The following BAIAP3 variants were observed in gnomAD, a reference collection of about 807,000 sequenced individuals.
The protein encoded by BAIAP3 is BAI1-associated protein 3.
A neutral mutation model predicts 149.7 loss-of-function variants in BAIAP3; 180 were observed. The ratio of observed to expected loss-of-function variants is 1.20; its 90% CI spans 1.07 to 1.36. The LOEUF (loss-of-function observed/expected upper bound fraction) is 1.36, where lower values mean the gene tolerates loss of function less well. BAIAP3 is among the 40% of genes most tolerant of loss of function. The pLI is 0.00. For synonymous variants in BAIAP3, 845 were observed against 670.7 expected, an observed-to-expected ratio of 1.26 and a Z score of -4.02; for missense variants, 1,767 against 1,563.4, an observed-to-expected ratio of 1.13 and a Z score of -2.20.
At chr16:1,348,058 C>T (rs2034507937) in intron 32 of BAIAP3, 38 bp from the exon 33 acceptor site, 2 of 1,510,620 alleles carry the variant, frequency 1.3e-6, no homozygotes, top group Non-Finnish European at 1.7e-6. Flanking sequence ...AGGCTCCAGG[C>T]TGCCGGAGCG....
chr16:1,333,876 C>T (rs2033288007), intron 1 of BAIAP3, 127 bp downstream of exon 1: 1 of 152,116 alleles, frequency 6.6e-6, no homozygotes, highest in African/African-American at 2.4e-5. Flanking sequence ...CGGGGGTGGC[C>T]TCCGAGGCGG....
At chr16:1,335,339 G>A (rs1304668958) in intron 1 of BAIAP3, among the ~76,000 whole-genome samples, 1 of 152,246 alleles carries the variant, frequency 6.6e-6, no homozygotes, top group Non-Finnish European at 1.5e-5. Context: ...ACAGATGGGA[G>A]TGTGGTTCTG....
intron 1 of BAIAP3, among the ~76,000 whole-genome samples, chr16:1,334,010 G>T (rs1480458488): frequency 6.6e-6 from 1 of 151,708 alleles, no homozygotes; most frequent in Non-Finnish European, 1.5e-5. Flanking sequence ...CGGCGGTGGG[G>T]TCCGCACTGC....
At position 1,344,607 on chromosome 16, in the gene BAIAP3, C is replaced by G; in HGVS notation, c.1666C>G (p.Pro556Ala). The change falls in exon 19 of 34, where the codon CCA becomes GCA. Residue 556 changes from proline (P) to alanine (A), a missense_variant. Transcript: ENST00000426824. ...NDKSPREQPGPQRLPGLVVLA... is the reference protein window; with the variant it reads ...NDKSPREQPGAQRLPGLVVLA... ...GAGCTAGGCTTCCTTGCAGCCAGGA[C>G]CACAGCGCCTGCCTGGGCTGGTTGT... 1.9e-6 allele frequency: 3 copies of G among 1,613,062 alleles called. No individual in the cohort carries two copies. The highest frequency in any genetic ancestry group is 2.5e-6 in the Non-Finnish European group (3 of 1,180,022).
chr16:1,347,324 G>T lies in BAIAP3; in HGVS notation c.2778G>T (p.Glu926Asp). The T allele has an allele frequency of 3.1e-6, 5 of 1,613,498 alleles. No individual in the cohort carries two copies. Among genetic ancestry groups the T allele is most frequent in the Non-Finnish European group, 3.4e-6 (4 of 1,179,970 alleles). ...CCCTGGTCAGTTTTTTCCACGCAGAGGGTCAGGGTTTGCCCCTGGAGAGCC... is the reference window on the plus strand; with the variant it reads ...CCCTGGTCAGTTTTTTCCACGCAGATGGTCAGGGTTTGCCCCTGGAGAGCC... ...LEALVSFFHAEGQGLPLESLR... is the reference protein window; with the variant it reads ...LEALVSFFHADGQGLPLESLR... Residue 926 changes from glutamate to aspartate, a missense_variant, in exon 29 of 34, where the codon GAG becomes GAT. By Grantham distance (45) the Glu-to-Asp change is conservative (BLOSUM62 2). Coordinates refer to ENST00000426824, the MANE Select transcript of BAIAP3 (RefSeq NM_001199097.2).
In BAIAP3 at chr16:1,345,976, C is replaced by T. The variant is rs771421326; in HGVS notation, c.2209-10C>T. On this transcript the variant is annotated splice_polypyrimidine_tract_variant and intron_variant, in intron 23 of 33. Transcript: ENST00000426824. ...GGCTCCATGGCTCCCCACCGCCATC[C>T]CCTCCTCAGGACGTGTGTGAGGCCA... is the stretch of plus-strand genomic sequence containing the variant. 1.3e-6 allele frequency: 2 copies of T among 1,599,712 alleles called. No homozygotes were observed. The highest frequency in any genetic ancestry group is 1.7e-6 in the Non-Finnish European group (2 of 1,172,198).
rs1190833940 is a variant in BAIAP3, at chr16:1,348,157, C to A, written c.3211C>A (p.His1071Asn). 6.2e-7 allele frequency: 1 copy of A among 1,608,396 alleles called. No homozygotes were observed. Among genetic ancestry groups the A allele is most frequent in the Admixed American group, 1.7e-5 (1 of 60,002 alleles). Residue 1071 changes from histidine (H) to asparagine (N), a missense_variant, in exon 33 of 34, where the codon CAC (histidine) becomes AAC (asparagine). His to Asn is a moderately conservative substitution (Grantham distance 68, BLOSUM62 1). Transcript: ENST00000426824. ...AACVLFTVMD[H>N]DWLSTNDFAG... ...CTGTGTGTTGTTCACCGTCATGGAC[C>A]ACGACTGGCTGTCCACCAACGACTT...
rs753862535 is a variant in BAIAP3, at chr16:1,343,015, C to CT, written c.1265dup (p.His423AlafsTer46). 6.2e-7 allele frequency: 1 copy of CT among 1,606,078 alleles called. No individual in the cohort carries two copies. The highest frequency in any genetic ancestry group is 8.5e-7 in the Non-Finnish European group (1 of 1,178,956). On this transcript the variant is annotated frameshift_variant and splice_region_variant, in exon 14 of 34. Coordinates refer to ENST00000426824, the MANE Select transcript of BAIAP3 (RefSeq NM_001199097.2). LOFTEE classifies it high-confidence loss of function. Reference sequence around the variant, plus strand: ...CCTGTCACCCTTGCAGCTGGCCGTGCTGTGAGTGGGTGGAGCTACGAGTGG... The same window carrying CT: ...CCTGTCACCCTTGCAGCTGGCCGTGCTTGTGAGTGGGTGGAGCTACGAGTGG...
At position 1,342,010 on chromosome 16, in the gene BAIAP3, G is replaced by A. The variant is rs1245085096; in HGVS notation, c.801G>A (p.Leu267=). The change falls in exon 10 of 34, where the codon CTG becomes CTA. Residue 267 remains leucine, a synonymous_variant. Transcript: ENST00000426824. The stretch of plus-strand genomic sequence containing the variant: ...GGGATCATGACGACGATGTATCCCT[G>A]GTAGAAGCGTGCAGGAAGCTGAATG... ...DIWDHDDDVS[L]VEACRKLNEV... 1.2e-6 allele frequency: 2 copies of A among 1,605,962 alleles called. No individual in the cohort carries two copies. The highest frequency in any genetic ancestry group is 1.7e-5 in the Admixed American group (1 of 59,134).
chr16:1,344,287 G>A lies in BAIAP3; in HGVS notation c.1572G>A (p.Glu524=), dbSNP rs747823633. ...PSFEICPFES[E]LNMDIAAALK... is the part of the protein sequence containing the mutation. ...TTGAGATCTGCCCCTTCGAGTCGGA[G>A]CTGAACATGGACATTGCTGCGGCCC... The change falls in exon 17 of 34, where the codon GAG becomes GAA. Residue 524 remains glutamate (E), a synonymous_variant. Coordinates refer to ENST00000426824, the MANE Select transcript of BAIAP3 (RefSeq NM_001199097.2). 4 of 1,613,804 alleles carry A rather than the reference G, an allele frequency of 2.5e-6. No homozygotes were observed. The highest frequency in any genetic ancestry group is 3.4e-6 in the Non-Finnish European group (4 of 1,180,016).
chr16:1,343,080 G>T lies in BAIAP3; in HGVS notation c.1265+64G>T. 3.4e-6 allele frequency: 5 copies of T among 1,476,640 alleles called. No individual in the cohort carries two copies. In the South Asian group the frequency reaches 4.7e-5, roughly 14 times the overall value. 91.5% of individuals were successfully genotyped at this position (1,476,640 alleles called of 1,614,324 possible). On this transcript the variant is annotated intron_variant, in intron 14 of 33. Coordinates refer to ENST00000426824, the MANE Select transcript of BAIAP3 (RefSeq NM_001199097.2). ...CGGGCGTGAGCGAGTGGGGCATCGG[G>T]GGCCATGCGGTGAGTGGATGTCGTG...
At position 1,341,277 on chromosome 16, in the gene BAIAP3, A is replaced by G. The variant is rs893642792; in HGVS notation, c.536-17A>G. The G allele has an allele frequency of 3.7e-6, 6 of 1,606,352 alleles. No homozygotes were observed. Among genetic ancestry groups the G allele is most frequent in the African/African-American group, 1.3e-5 (1 of 74,794 alleles). On this transcript the variant is annotated splice_polypyrimidine_tract_variant and intron_variant, in intron 7 of 33. Coordinates refer to ENST00000426824, the MANE Select transcript of BAIAP3 (RefSeq NM_001199097.2). ...CAGAGGGCGTGGGGCCAGGGCTGAG[A>G]CGCCTGCCGTGCCCAGGCTTCAGCG...
At chr16:1,340,313 G>T (rs1312367772) in intron 5 of BAIAP3, among the ~76,000 whole-genome samples, 3 of 79,576 alleles carry the variant, frequency 3.8e-5, no homozygotes, top group Non-Finnish European at 7.4e-5. Context: ...GCGCACAGAT[G>T]CCCAGGCACA....
At chr16:1,340,189 ACACACG>A (rs1402821463) in intron 5 of BAIAP3, among the ~76,000 whole-genome samples, 2 of 39,198 alleles carry the variant, frequency 5.1e-5, no homozygotes, top group East Asian at 5.1e-3. Flanking sequence ...GTGCACACAG[ACACACG>A]CACACAGGCT....
At chr16:1,338,473 C>CCCCCCCCCTTGGG in intron 1 of BAIAP3, 67 bp from the exon 2 acceptor site, 1 of 1,091,546 alleles carries the variant, frequency 9.2e-7, no homozygotes, top group Non-Finnish European at 1.2e-6. Flanking sequence ...CCCACCCCCC[C>CCCCCCCCCTTGGG]GCCTGCTGTG....
At position 1,342,188 on chromosome 16, in the gene BAIAP3, A is replaced by G; in HGVS notation, c.862A>G (p.Lys288Glu). ...IGLKGMGRYF[K>E]QIVKSARANG... ...ACCACCTGTGGTGGCCAGGTACTTC[A>G]AACAGATCGTCAAGTCAGCCCGCGC... The change falls in exon 11 of 34, where the codon AAA becomes GAA. Residue 288 changes from lysine to glutamate, a missense_variant. By Grantham distance (56) the Lys-to-Glu change is moderately conservative. Transcript: ENST00000426824. The G allele has an allele frequency of 6.2e-7, 1 of 1,604,368 alleles. No individual in the cohort carries two copies. Among genetic ancestry groups the G allele is most frequent in the Non-Finnish European group, 8.5e-7 (1 of 1,174,086 alleles).
In BAIAP3 at chr16:1,349,227, A is replaced by G. The variant is rs923823864; in HGVS notation, c.*745A>G. 8.0e-6 allele frequency: 5 copies of G among 623,210 alleles called. No homozygotes were observed. In the African/African-American group the frequency reaches 9.2e-5, roughly 11 times the overall value. 38.6% of individuals were successfully genotyped at this position (623,210 alleles called of 1,614,324 possible). A position where few individuals can be genotyped will look rare whatever the true frequency, so the allele number is the denominator to read the frequency against. On this transcript the variant is annotated 3_prime_UTR_variant, in exon 34 of 34. Coordinates refer to ENST00000426824, the MANE Select transcript of BAIAP3 (RefSeq NM_001199097.2). The stretch of plus-strand genomic sequence containing the variant: ...TCCCCAGGCCCAGTGTGAAAAACAG[A>G]CTCACAAGGGGCTTCTTGGCCTGCA...
At chr16:1,338,769 G>A in intron 2 of BAIAP3, 89 bp downstream of exon 2, 5 of 1,573,662 alleles carry the variant, frequency 3.2e-6, no homozygotes, top group Non-Finnish European at 4.3e-6. Context: ...AGCACCCCTG[G>A]GCGGGAAGGA....
chr16:1,341,483 TC>T lies in BAIAP3; in HGVS notation c.727del (p.Leu243SerfsTer7). The T allele has an allele frequency of 1.2e-6, 2 of 1,607,960 alleles. No homozygotes were observed. The highest frequency in any genetic ancestry group is 1.7e-6 in the Non-Finnish European group (2 of 1,176,476). On this transcript the variant is annotated frameshift_variant, in exon 8 of 34. Transcript: ENST00000426824. LOFTEE classifies it high-confidence loss of function. ...STLNPVWKEH[F>X]LFEIEDVSTD... is the part of the protein sequence containing the mutation. ...CTGAACCCCGTCTGGAAGGAGCACT[TC>T]CTCTTGTGAGGCCCTCGCCCGTCTG...
Sources: allele counts gnomAD v4.1 joint callset (sites outside exome capture counted in the v4.1 genomes callset), GRCh38; gene constraint gnomAD v4.1.1; transcripts MANE v1.5; gene names NCBI Gene and HGNC (gene_info 2026-07-23, HGNC 2026-07-21).